The following ARHGAP39 variants were observed in gnomAD, a reference collection of about 807,000 sequenced individuals.
ARHGAP39 encodes the protein rho GTPase-activating protein 39.
A neutral mutation model predicts 106.9 loss-of-function variants in ARHGAP39; 44 were observed. The ratio of observed to expected loss-of-function variants is 0.41; its 90% confidence interval spans 0.32 to 0.53. The LOEUF (loss-of-function observed/expected upper bound fraction) is 0.53. Ranked by LOEUF, ARHGAP39 falls within the 20% of genes least tolerant of loss-of-function variation. The pLI is 0.21. For missense variants in ARHGAP39, 1,496 were observed against 1,577.3 expected (o/e 0.95, Z 0.87); for synonymous variants, 768 against 693.2 (o/e 1.11, Z -1.69).
At chr8:144,696,389 T>C in the ARHGAP39 span, among the ~76,000 whole-genome samples, 2 of 152,214 alleles carry the variant, frequency 1.3e-5, no homozygotes, top group Non-Finnish European at 2.9e-5. Flanking sequence ...TCCACCCGCC[T>C]TGGCCTCCCA....
At chr8:144,607,790 C>A (rs1181654284) in intron 1 of ARHGAP39, among the ~76,000 whole-genome samples, 1 of 152,178 alleles carries the variant, frequency 6.6e-6, no homozygotes. Context: ...AGAGGAAACG[C>A]GCTTTCCGCC....
intron 7 of ARHGAP39, among the ~76,000 whole-genome samples, chr8:144,535,804 T>C (rs1476233): frequency 0.12 from 17,867 of 152,236 alleles, 3,433 homozygotes; most frequent in African/African-American, 0.4. Flanking sequence ...ATGAAGGTGA[T>C]CATAATGCAG....
At chr8:144,542,627 G>GC (rs751119193) in intron 6 of ARHGAP39, among the ~76,000 whole-genome samples, 2 of 66,456 alleles carry the variant, frequency 3.0e-5, no homozygotes, top group South Asian at 4.4e-4. Flanking sequence ...TTTCCTACCC[G>GC]CCCCCCCACC....
Position 144,684,850 on chromosome 8 carries a change from C to T in ARHGAP39, c.-82+836G>A, listed in dbSNP as rs1425116091. Among the ~76,000 whole-genome samples, 3 of 152,208 alleles carry T rather than the reference C, an allele frequency of 2.0e-5. No individual in the cohort carries two copies. The highest frequency in any genetic ancestry group is 4.4e-5 in the Non-Finnish European group (3 of 68,026). ...GCAGAGGCGAGGCCGCAGAGCCCAC[C>T]CGCAGGCGGCCATGACCCCACCTGG... On this transcript the variant is annotated intron_variant, in intron 1 of 11. Coordinates refer to ENST00000377307, the MANE Select transcript of ARHGAP39 (RefSeq NM_025251.3). The surrounding 1 kb of genome is among the most constrained non-coding windows in gnomAD (Gnocchi z 4.4).
intron 1 of ARHGAP39, 105 bp from the exon 2 acceptor site, chr8:144,605,800 A>C: frequency 1.6e-6 from 1 of 633,936 alleles, no homozygotes; most frequent in Non-Finnish European, 2.8e-6. Context: ...ATGACGATGG[A>C]CTCCACGGCA....
At chr8:144,599,966 G>A (rs1374297686) in intron 2 of ARHGAP39, among the ~76,000 whole-genome samples, 2 of 152,222 alleles carry the variant, frequency 1.3e-5, no homozygotes, top group African/African-American at 4.8e-5. Flanking sequence ...GGGGACCACA[G>A]AGCAACTCTC....
intron 1 of ARHGAP39, among the ~76,000 whole-genome samples, 157 bp downstream of exon 1, chr8:144,685,529 C>T (rs1822565616): frequency 6.7e-6 from 1 of 149,002 alleles, no homozygotes; most frequent in Admixed American, 6.7e-5. Context: ...CAGTCACAGC[C>T]CCTCCCGCCG....
chr8:144,623,056 G>C (rs1171444839), intron 1 of ARHGAP39, among the ~76,000 whole-genome samples: 1 of 152,262 alleles, frequency 6.6e-6, no homozygotes. Context: ...GGCTGCAACG[G>C]GGAGGGCAAG....
chr8:144,648,249 C>T (rs1380957955), intron 1 of ARHGAP39, among the ~76,000 whole-genome samples: 3 of 152,222 alleles, frequency 2.0e-5, no homozygotes, highest in Admixed American at 1.3e-4. Flanking sequence ...TCATCCATAG[C>T]TCCTGTCTTG....
intron 1 of ARHGAP39, among the ~76,000 whole-genome samples, chr8:144,675,159 A>G (rs2958505): frequency 0.028 from 4,192 of 152,294 alleles, 244 homozygotes; most frequent in East Asian, 0.24. Context: ...AGCTGCAACC[A>G]GCGTCATGGC....
intron 1 of ARHGAP39, among the ~76,000 whole-genome samples, chr8:144,609,596 G>A (rs1255769130): frequency 3.3e-5 from 5 of 151,788 alleles, no homozygotes; most frequent in African/African-American, 9.7e-5. Flanking sequence ...TAGAGACGGG[G>A]TTTCATTATG....
At chr8:144,601,889 C>G (rs374798131) in intron 2 of ARHGAP39, among the ~76,000 whole-genome samples, 3,447 of 57,138 alleles carry the variant, frequency 0.06, 71 homozygotes, top group Admixed American at 0.15. Flanking sequence ...CTGTGTGTGT[C>G]CATGGAGGCG....
intron 1 of ARHGAP39, among the ~76,000 whole-genome samples, chr8:144,620,927 A>G (rs1414107026): frequency 4.6e-5 from 7 of 152,242 alleles, no homozygotes; most frequent in African/African-American, 1.7e-4. Context: ...GAACTGGGAA[A>G]CTGAACAGCA....
rs1252642300 is a variant in ARHGAP39, at chr8:144,530,264, G to A, written c.*158C>T. ...TGCCCTGGCTGCACCCTCAGACCAG[G>A]CAGAAGACGTGGGGAGCGCCGGGGC... On this transcript the variant is annotated 3_prime_UTR_variant, in exon 12 of 12. Transcript: ENST00000377307. 4 of 796,088 alleles carry A rather than the reference G, an allele frequency of 5.0e-6. No individual in the cohort carries two copies. The highest frequency in any genetic ancestry group is 7.8e-6 in the Non-Finnish European group (4 of 514,720). 49.3% of individuals were successfully genotyped at this position (796,088 alleles called of 1,614,324 possible).
At chr8:144,530,964 T>G in intron 10 of ARHGAP39, 93 bp from the exon 11 acceptor site, 1 of 1,453,004 alleles carries the variant, frequency 6.9e-7, no homozygotes, top group Non-Finnish European at 9.2e-7. Flanking sequence ...AGGGGTGCTG[T>G]GGGGGACAGG....
Position 144,604,783 on chromosome 8 carries a change from C to T in ARHGAP39, c.80+752G>A, listed in dbSNP as rs143504550. Among the ~76,000 whole-genome samples, 72 of 152,272 alleles carry T rather than the reference C, an allele frequency of 4.7e-4. No homozygotes were observed. The highest frequency in any genetic ancestry group is 8.8e-4 in the Non-Finnish European group (60 of 68,014). On this transcript the variant is annotated intron_variant, in intron 2 of 11. Coordinates refer to ENST00000377307, the MANE Select transcript of ARHGAP39 (RefSeq NM_025251.3). The surrounding 1 kb of genome is among the most constrained non-coding windows in gnomAD (Gnocchi z 4.1). ...GGCCAGATTTACTTGTGGTAACAAG[C>T]GTCCTGGGCTACCTGGAAGACGTCC...
At chr8:144,538,601 A>C (rs1168217661) in intron 6 of ARHGAP39, among the ~76,000 whole-genome samples, 1 of 152,214 alleles carries the variant, frequency 6.6e-6, no homozygotes, top group Non-Finnish European at 1.5e-5. Flanking sequence ...TGTGTCACCC[A>C]GGCTGGAGTG....
At chr8:144,532,581 G>A (rs1819568329) in intron 9 of ARHGAP39, among the ~76,000 whole-genome samples, 185 bp from the exon 10 acceptor site, 1 of 152,194 alleles carries the variant, frequency 6.6e-6, no homozygotes, top group Non-Finnish European at 1.5e-5. Flanking sequence ...CAGGATTCCT[G>A]CCCCACACAC....
rs1181006661 is a variant in ARHGAP39 at position 144,548,619 on chromosome 8, T to G, written c.597-130A>C. ...GTACACCTTCCTCGCTGGGGCCCTG[T>G]GGCCTGGCGCCCCTCACACCTGCCT... On this transcript the variant is annotated intron_variant, in intron 4 of 11. Transcript: ENST00000377307. This position sits in a 1 kb window ranked among gnomAD's most constrained non-coding sequence, Gnocchi z 7.4. 1.2e-5 allele frequency: 16 copies of G among 1,292,748 alleles called. No individual in the cohort carries two copies. The highest frequency in any genetic ancestry group is 1.7e-5 in the Non-Finnish European group (16 of 968,884). 80.1% of individuals were successfully genotyped at this position (1,292,748 alleles called of 1,614,324 possible). A position where few individuals can be genotyped will look rare whatever the true frequency, so the allele number is the denominator to read the frequency against.
Sources: allele counts gnomAD v4.1 joint callset (sites outside exome capture counted in the v4.1 genomes callset), GRCh38; gene constraint gnomAD v4.1.1; non-coding constraint Gnocchi (gnomAD v3.1); transcripts MANE v1.5; gene names NCBI Gene and HGNC (gene_info 2026-07-23, HGNC 2026-07-21).